XYLB: variants seen among roughly 807,000 people sequenced by gnomAD.
The protein encoded by XYLB is xylulose kinase.
XYLB carries 62 observed loss-of-function variants against 78.7 expected under a neutral mutation model. The ratio of observed to expected loss-of-function variants is 0.79; its 90% confidence interval spans 0.64 to 0.97. The LOEUF (loss-of-function observed/expected upper bound fraction) is 0.97, where lower values mean the gene tolerates loss of function less well. XYLB is among the 50% of genes least tolerant of loss of function. The pLI is 0.00. For synonymous variants in XYLB, 245 were observed against 247.4 expected, an observed-to-expected ratio of 0.99 and a Z score of 0.09; for missense variants, 687 against 676.8, an observed-to-expected ratio of 1.02 and a Z score of -0.17.
intron 15 of XYLB, among the ~76,000 whole-genome samples, chr3:38,385,187 A>G (rs1707328890): frequency 6.6e-6 from 1 of 151,878 alleles, no homozygotes; most frequent in South Asian, 2.1e-4. Flanking sequence ...TTTTGTAGAG[A>G]CGGGGTTTCG....
In XYLB at chr3:38,348,637, G is replaced by T; in HGVS notation, c.140+5G>T. 6.2e-7 allele frequency: 1 copy of T among 1,614,116 alleles called. No individual in the cohort carries two copies. The highest frequency in any genetic ancestry group is 8.5e-7 in the Non-Finnish European group (1 of 1,179,946). On this transcript the variant is annotated splice_donor_5th_base_variant and intron_variant, in intron 2 of 18. Transcript: ENST00000207870. ...CAGAGATCTTCCAGAATTTGGGTAT[G>T]TACTTGATGTGCATGTGTGTGTGAT...
At chr3:38,449,641 G>T in the XYLB span, among the ~76,000 whole-genome samples, 2 of 152,308 alleles carry the variant, frequency 1.3e-5, no homozygotes, top group South Asian at 4.1e-4. Flanking sequence ...CAGTCTGGTA[G>T]AAGTTTTAAG....
intron 15 of XYLB, among the ~76,000 whole-genome samples, chr3:38,385,119 G>C (rs1388266422): frequency 6.6e-6 from 1 of 152,112 alleles, no homozygotes; most frequent in Non-Finnish European, 1.5e-5. Context: ...TTGCACCTCA[G>C]CCACCTGAGT....
Position 38,372,793 on chromosome 3 carries a change from G to A in XYLB, c.847+57G>A, listed in dbSNP as rs978542719. On this transcript the variant is annotated intron_variant, in intron 10 of 18. Transcript: ENST00000207870. The stretch of plus-strand genomic sequence containing the variant: ...GAGCCTGACTGGGTCCATGCTGGAT[G>A]TTTGAGAATTCCAGTCCAGCCTCTT... 1.9e-6 allele frequency: 3 copies of A among 1,575,636 alleles called. No individual in the cohort carries two copies. In the African/African-American group the frequency reaches 4.1e-5, roughly 21 times the overall value.
the XYLB span, among the ~76,000 whole-genome samples, chr3:38,444,151 C>T: frequency 6.6e-6 from 1 of 152,258 alleles, no homozygotes; most frequent in East Asian, 1.9e-4. Flanking sequence ...AAAGGTTTGC[C>T]CTAGACCCTG....
intron 18 of XYLB, among the ~76,000 whole-genome samples, chr3:38,406,561 G>A (rs1343484634): frequency 6.6e-6 from 1 of 152,206 alleles, no homozygotes; most frequent in African/African-American, 2.4e-5. Context: ...GTTGAGAGAA[G>A]GCTTCAGATG....
the XYLB span, among the ~76,000 whole-genome samples, chr3:38,429,496 G>C: frequency 1.3e-5 from 2 of 152,094 alleles, no homozygotes; most frequent in Non-Finnish European, 2.9e-5. Context: ...TCTTAGTTCT[G>C]GAGGCCAGAA....
Position 38,372,584 on chromosome 3 carries a change from G to C in XYLB, c.766-71G>C. Reference sequence around the variant, plus strand: ...GACTGTAGCGTTTTCGTGGCCTGAAGGGTGGGTGGCTGTGCTGGGCAGGCG... The same window carrying C: ...GACTGTAGCGTTTTCGTGGCCTGAACGGTGGGTGGCTGTGCTGGGCAGGCG... On this transcript the variant is annotated intron_variant, in intron 9 of 18. Transcript: ENST00000207870. 1.8e-5 allele frequency: 29 copies of C among 1,610,936 alleles called. No homozygotes were observed. The South Asian group carries it at 3.2e-4, about 18-fold the overall frequency.
intron 11 of XYLB, 114 bp from the exon 12 acceptor site, chr3:38,375,030 T>C: frequency 1.2e-6 from 1 of 825,652 alleles, no homozygotes; most frequent in Non-Finnish European, 1.9e-6. Context: ...ATCTGAGGTC[T>C]GCAGCATGAG....
chr3:38,346,976 G>C, intron 1 of XYLB, 51 bp downstream of exon 1: 1 of 1,384,106 alleles, frequency 7.2e-7, no homozygotes, highest in Non-Finnish European at 9.4e-7. Context: ...CGCTTCGGTG[G>C]GGGTAGGGGG....
chr3:38,432,631 G>A, the XYLB span, among the ~76,000 whole-genome samples: 1 of 152,178 alleles, frequency 6.6e-6, no homozygotes, highest in Admixed American at 6.5e-5. Context: ...TGTTCTAAAG[G>A]GGAGACATTG....
chr3:38,379,732 A>AG (rs563125084), intron 15 of XYLB, among the ~76,000 whole-genome samples: 170 of 152,362 alleles, frequency 1.1e-3, no homozygotes, highest in African/African-American at 3.9e-3. Flanking sequence ...TAGCCTGGCC[A>AG]GGTCCCATTG....
At chr3:38,429,053 C>A in the XYLB span, among the ~76,000 whole-genome samples, 1 of 152,216 alleles carries the variant, frequency 6.6e-6, no homozygotes, top group Admixed American at 6.5e-5. Flanking sequence ...CTACCTTGCT[C>A]AAGGTCATTC....
At chr3:38,365,877 C>A in intron 6 of XYLB, 141 bp downstream of exon 6, 3 of 1,298,090 alleles carry the variant, frequency 2.3e-6, no homozygotes, top group Non-Finnish European at 3.1e-6. Flanking sequence ...CCCCTGGGTC[C>A]TGATCCAGGC....
chr3:38,438,139 G>A, the XYLB span, among the ~76,000 whole-genome samples: 1 of 152,168 alleles, frequency 6.6e-6, no homozygotes, highest in African/African-American at 2.4e-5. Context: ...TGAGGCAGAA[G>A]GATTGCTTGA....
Position 38,377,059 on chromosome 3 carries a change from A to G in XYLB, c.1194+68A>G, listed in dbSNP as rs879165010. ...TGAGTGTAAAATTTAACAATTGCCT[A>G]TCAAATTATGTTACTTTTAGGGACT... On this transcript the variant is annotated intron_variant, in intron 14 of 18. Coordinates refer to ENST00000207870, the MANE Select transcript of XYLB (RefSeq NM_005108.4). 1.2e-5 allele frequency: 16 copies of G among 1,359,964 alleles called. No individual in the cohort carries two copies. In the South Asian group the frequency reaches 1.8e-4, roughly 15 times the overall value. 84.2% of individuals were successfully genotyped at this position (1,359,964 alleles called of 1,614,324 possible).
chr3:38,395,581 G>C lies in XYLB; in HGVS notation c.1350+18G>C, dbSNP rs1447678990. ...TCTTACAGGTAAGCGTTAGTAGTGG[G>C]CCTTACACCATGGCCTCTCCCATAT... On this transcript the variant is annotated intron_variant, in intron 16 of 18. Transcript: ENST00000207870. 7 of 1,613,314 alleles carry C rather than the reference G, an allele frequency of 4.3e-6. No individual in the cohort carries two copies. The East Asian group carries it at 1.3e-4, about 31-fold the overall frequency.
the XYLB span, among the ~76,000 whole-genome samples, chr3:38,432,154 C>G: frequency 2.0e-5 from 3 of 152,204 alleles, no homozygotes; most frequent in Non-Finnish European, 4.4e-5. Flanking sequence ...CACAATCATT[C>G]TCTTCCAGCA....
intron 13 of XYLB, among the ~76,000 whole-genome samples, chr3:38,376,701 A>G (rs1238548675): frequency 3.9e-5 from 6 of 152,174 alleles, no homozygotes; most frequent in African/African-American, 1.4e-4. Flanking sequence ...GAGAGCAGGA[A>G]GAGTTGTCTT....
Sources: allele counts gnomAD v4.1 joint callset (sites outside exome capture counted in the v4.1 genomes callset), GRCh38; gene constraint gnomAD v4.1.1; transcripts MANE v1.5; gene names NCBI Gene and HGNC (gene_info 2026-07-23, HGNC 2026-07-21).